Variants in MYOM1 observed in about 807,000 individuals in gnomAD.
MYOM1 encodes the protein myomesin 1, also known as myomesin-1.
MYOM1 carries 164 observed loss-of-function variants against 205.3 expected under a neutral mutation model. The ratio of observed to expected loss-of-function variants is 0.80; its 90% CI spans 0.70 to 0.91. The LOEUF is 0.91. MYOM1 is among the 40% of genes least tolerant of loss of function. The pLI, the probability that MYOM1 is intolerant of heterozygous loss-of-function variation, is 0.00. For synonymous variants in MYOM1, 772 were observed against 789.4 expected (o/e 0.98, Z 0.37); for missense variants, 2,011 against 2,127.3 (o/e 0.95, Z 1.08).
At chr18:3,153,990 T>C (rs548290526) in intron 11 of MYOM1, among the ~76,000 whole-genome samples, 175 of 152,318 alleles carry the variant, frequency 1.1e-3, no homozygotes, top group African/African-American at 4.1e-3. Flanking sequence ...CCTCTAAGTT[T>C]TGGAGAATAT....
chr18:3,193,642 T>C (rs1004114449), intron 3 of MYOM1, among the ~76,000 whole-genome samples, 176 bp downstream of exon 3: 20 of 152,276 alleles, frequency 1.3e-4, no homozygotes, highest in Non-Finnish European at 2.5e-4. Flanking sequence ...AATCAGTATA[T>C]AGTAAGTGCT....
chr18:3,175,035 C>T (rs901030756), intron 6 of MYOM1, among the ~76,000 whole-genome samples: 2 of 152,112 alleles, frequency 1.3e-5, no homozygotes, highest in African/African-American at 4.8e-5. Context: ...GGTTTAGTTT[C>T]ATTTGTGTAA....
At chr18:3,237,033 T>A in the MYOM1 span, among the ~76,000 whole-genome samples, 1 of 151,920 alleles carries the variant, frequency 6.6e-6, no homozygotes, top group Admixed American at 6.6e-5. Flanking sequence ...GATGTAGAGG[T>A]CACTGGTGAC....
At chr18:3,195,460 C>G (rs549721106) in intron 2 of MYOM1, among the ~76,000 whole-genome samples, 33 of 152,354 alleles carry the variant, frequency 2.2e-4, no homozygotes, top group Admixed American at 5.9e-4. Context: ...AAAGTACAGG[C>G]TGTGCTTATA....
chr18:3,113,228 G>GTA (rs1331541570), intron 21 of MYOM1, among the ~76,000 whole-genome samples: 3 of 15,448 alleles, frequency 1.9e-4, no homozygotes, highest in African/African-American at 4.3e-4. Context: ...ATACACACAT[G>GTA]TATATATATA....
At position 3,179,930 on chromosome 18, in the gene MYOM1, A is replaced by G. The variant is rs1437665286; in HGVS notation, c.930-3796T>C. On this transcript the variant is annotated intron_variant, in intron 5 of 37. Transcript: ENST00000356443. The surrounding 1 kb of genome is among the most constrained non-coding windows in gnomAD (Gnocchi z 4.4). ...CGGCTGTGACATGTGCTGTTTGACCAAATGACTCAGTGACACTCAATTCGG... is the reference window on the plus strand; with the variant it reads ...CGGCTGTGACATGTGCTGTTTGACCGAATGACTCAGTGACACTCAATTCGG... Among the ~76,000 whole-genome samples the G allele has an allele frequency of 1.3e-5, 2 of 152,204 alleles. No individual in the cohort carries two copies. The highest frequency in any genetic ancestry group is 2.9e-5 in the Non-Finnish European group (2 of 68,032).
rs142412470 is a variant in MYOM1, at chr18:3,206,841, T to G, written c.290+8093A>C. Among the ~76,000 whole-genome samples, 39 of 152,284 alleles carry G rather than the reference T, an allele frequency of 2.6e-4. No individual in the cohort carries two copies. The East Asian group carries it at 6.8e-3, about 26-fold the overall frequency. ...TGGTACAAACATGAATTTAGTTAGATCGACATGATCCTTGAAATTTACTGA... is the reference window on the plus strand; with the variant it reads ...TGGTACAAACATGAATTTAGTTAGAGCGACATGATCCTTGAAATTTACTGA... On this transcript the variant is annotated intron_variant, in intron 2 of 37. Coordinates refer to ENST00000356443, the MANE Select transcript of MYOM1 (RefSeq NM_003803.4).
intron 25 of MYOM1, among the ~76,000 whole-genome samples, chr18:3,096,743 T>C (rs183630999): frequency 1.3e-5 from 2 of 152,092 alleles, no homozygotes; most frequent in African/African-American, 4.8e-5. Flanking sequence ...TAAAAACCGG[T>C]GTCTGCAAAT....
chr18:3,098,129 T>A (rs2079328944), intron 25 of MYOM1, among the ~76,000 whole-genome samples: 1 of 152,192 alleles, frequency 6.6e-6, no homozygotes, highest in Non-Finnish European at 1.5e-5. Context: ...AGTACAACCA[T>A]CTTATGTAGC....
the MYOM1 span, among the ~76,000 whole-genome samples, chr18:3,238,490 C>T: frequency 6.6e-6 from 1 of 151,734 alleles, no homozygotes; most frequent in South Asian, 2.1e-4. Context: ...GGGGTGGGGG[C>T]ATCGAGAACC....
intron 23 of MYOM1, 121 bp from the exon 24 acceptor site, chr18:3,100,547 G>C: frequency 1.4e-6 from 1 of 706,578 alleles, no homozygotes; most frequent in Non-Finnish European, 2.5e-6. Flanking sequence ...CTCTCATCTT[G>C]CTGAGCTACA....
intron 20 of MYOM1, among the ~76,000 whole-genome samples, chr18:3,119,217 A>C (rs8097531): frequency 0.61 from 92,301 of 151,834 alleles, 28,427 homozygotes; most frequent in East Asian, 0.92. Flanking sequence ...GTTCCAGGAA[A>C]TTTCTTTTGG....
chr18:3,202,976 T>C (rs2081085652), intron 2 of MYOM1, among the ~76,000 whole-genome samples: 2 of 151,786 alleles, frequency 1.3e-5, no homozygotes, highest in Non-Finnish European at 2.9e-5. Flanking sequence ...AATTAAACAA[T>C]AATCTACAAT....
the MYOM1 span, among the ~76,000 whole-genome samples, chr18:3,232,618 C>A: frequency 0.01 from 1,568 of 152,220 alleles, 16 homozygotes; most frequent in Admixed American, 0.019. Flanking sequence ...TTATTGTGTT[C>A]TAATAATACA....
chr18:3,234,677 C>T, the MYOM1 span, among the ~76,000 whole-genome samples: 1 of 152,138 alleles, frequency 6.6e-6, no homozygotes, highest in East Asian at 1.9e-4. Flanking sequence ...CTTCAGCTTG[C>T]ACGGTTGCTA....
At chr18:3,085,197 T>A in intron 30 of MYOM1, 65 bp from the exon 31 acceptor site, 1 of 949,618 alleles carries the variant, frequency 1.1e-6, no homozygotes, top group African/African-American at 1.8e-5. Context: ...TCTGTGATTT[T>A]TTTTTTTCTT....
rs2081169217 is a variant in MYOM1, at chr18:3,209,798, C to T, written c.290+5136G>A. Among the ~76,000 whole-genome samples, 1 of 152,158 alleles carries T rather than the reference C, an allele frequency of 6.6e-6. No individual in the cohort carries two copies. Among genetic ancestry groups the T allele is most frequent in the African/African-American group, 2.4e-5 (1 of 41,430 alleles). On this transcript the variant is annotated intron_variant, in intron 2 of 37. Coordinates refer to ENST00000356443, the MANE Select transcript of MYOM1 (RefSeq NM_003803.4). This position sits in a 1 kb window ranked among gnomAD's most constrained non-coding sequence, Gnocchi z 4.0. ...TGAAAATTCTAACCTGCACTCTTGG[C>T]CCATGTCCCTGATCTCTCTTACCCT...
intron 9 of MYOM1, among the ~76,000 whole-genome samples, chr18:3,167,925 G>A (rs1464628469): frequency 1.3e-5 from 2 of 152,202 alleles, no homozygotes; most frequent in Non-Finnish European, 2.9e-5. Flanking sequence ...GTGATTTAAA[G>A]CCAGAGTCAG....
At chr18:3,102,353 C>T (rs2079390652) in intron 23 of MYOM1, 121 bp downstream of exon 23, 4 of 1,003,856 alleles carry the variant, frequency 4.0e-6, no homozygotes, top group Non-Finnish European at 1.4e-6. Context: ...TCTACAATAC[C>T]AGATATAAAA....
Sources: allele counts gnomAD v4.1 joint callset (sites outside exome capture counted in the v4.1 genomes callset), GRCh38; gene constraint gnomAD v4.1.1; non-coding constraint Gnocchi (gnomAD v3.1); transcripts MANE v1.5; gene names NCBI Gene and HGNC (gene_info 2026-07-23, HGNC 2026-07-21).